Variants in ARHGEF3 observed in about 807,000 individuals in gnomAD.
The protein encoded by ARHGEF3 is 59.8 kDA protein.
ARHGEF3 carries 28 observed loss-of-function variants against 63.2 expected under a neutral mutation model. The ratio of observed to expected loss-of-function variants is 0.44; its 90% CI spans 0.33 to 0.61. ARHGEF3 has a LOEUF of 0.61. ARHGEF3 is among the 20% of genes least tolerant of loss of function. ARHGEF3 has a pLI of 0.03. For missense variants in ARHGEF3, 533 were observed against 659.3 expected, an observed-to-expected ratio of 0.81 and a Z score of 2.10; for synonymous variants, 266 against 254.2, an observed-to-expected ratio of 1.05 and a Z score of -0.44.
chr3:56,967,863 C>CATATATAATATATAATGACATATT (rs1700640015), intron 2 of ARHGEF3, among the ~76,000 whole-genome samples: 2 of 71,012 alleles, frequency 2.8e-5, no homozygotes, highest in East Asian at 9.2e-4. Flanking sequence ...TATATAATGA[C>CATATATAATATATAATGACATATT]ATATATAATA....
chr3:56,956,739 G>A (rs975734573), intron 3 of ARHGEF3, among the ~76,000 whole-genome samples: 14 of 152,170 alleles, frequency 9.2e-5, no homozygotes, highest in Non-Finnish European at 2.1e-4. Context: ...CATTGTTGGA[G>A]CAGAAGGGGA....
intron 1 of ARHGEF3, among the ~76,000 whole-genome samples, chr3:56,794,798 G>A (rs999290805): frequency 9.9e-5 from 15 of 151,884 alleles, no homozygotes; most frequent in African/African-American, 3.6e-4. Context: ...ATCCTGTATT[G>A]TTTTTTATTT....
In ARHGEF3 at chr3:56,882,456, A is replaced by G. The variant is rs114403963; in HGVS notation, c.130-102T>C. ...TCAAATAGCACATGCAATCCTTATC[A>G]TTTCTACCATGGTACCCAAAACCTT... On this transcript the variant is annotated intron_variant, in intron 3 of 12. Coordinates refer to the ARHGEF3 transcript ENST00000338458. The G allele has an allele frequency of 8.5e-4, 763 of 895,314 alleles. 7 individuals are homozygous for G. In the African/African-American group the frequency reaches 0.011, roughly 13 times the overall value. 55.5% of individuals were successfully genotyped at this position (895,314 alleles called of 1,614,324 possible).
chr3:56,829,516 TCTGC>T (rs1034641563), intron 4 of ARHGEF3, among the ~76,000 whole-genome samples: 1 of 152,184 alleles, frequency 6.6e-6, no homozygotes, highest in African/African-American at 2.4e-5. Context: ...GAAACGAGAA[TCTGC>T]CTACAGTGGA....
intron 4 of ARHGEF3, among the ~76,000 whole-genome samples, chr3:56,877,321 C>A (rs1046904524): frequency 6.6e-6 from 1 of 150,920 alleles, no homozygotes. Flanking sequence ...TAATATGACA[C>A]GTTCATAATA....
In ARHGEF3 at chr3:56,745,091, C is replaced by T. The variant is rs1401314068; in HGVS notation, c.870+114G>A. On this transcript the variant is annotated intron_variant, in intron 7 of 9. Coordinates refer to ENST00000296315, the MANE Select transcript of ARHGEF3 (RefSeq NM_019555.3). ...TGATGGCAGTGCCAGGCCTGGAACC[C>T]AAGATTCCTGAGTACTAAGTACCCA... The T allele has an allele frequency of 2.2e-6, 3 of 1,363,026 alleles. No individual in the cohort carries two copies. In the East Asian group the frequency reaches 7.0e-5, roughly 32 times the overall value. The allele number at this position is 1,363,026 out of a possible 1,614,324, so 84.4% of individuals were successfully genotyped here.
At chr3:57,053,241 G>A (rs977765070) in intron 1 of ARHGEF3, among the ~76,000 whole-genome samples, 8 of 152,174 alleles carry the variant, frequency 5.3e-5, no homozygotes, top group African/African-American at 1.4e-4. Context: ...TGCCAGGGAC[G>A]GGTGATGGTT....
At chr3:57,042,689 TA>T (rs56116648) in intron 1 of ARHGEF3, among the ~76,000 whole-genome samples, 2,438 of 25,160 alleles carry the variant, frequency 0.097, 290 homozygotes, top group Non-Finnish European at 0.12. Context: ...TATATATATA[TA>T]TATATATATA....
intron 1 of ARHGEF3, among the ~76,000 whole-genome samples, chr3:57,047,905 CA>C (rs1256470554): frequency 1.3e-4 from 20 of 152,090 alleles, no homozygotes; most frequent in Non-Finnish European, 7.4e-5. Flanking sequence ...TACATCCAGA[CA>C]TTACTAAAAT....
chr3:57,074,485 G>C, intron 1 of ARHGEF3: 2 of 585,040 alleles, frequency 3.4e-6, no homozygotes, highest in Non-Finnish European at 6.2e-6. Flanking sequence ...TTAAGTTACT[G>C]GCACAAGGTC....
intron 2 of ARHGEF3, among the ~76,000 whole-genome samples, chr3:57,013,915 C>T (rs1486701146): frequency 1.3e-5 from 2 of 152,200 alleles, no homozygotes; most frequent in Non-Finnish European, 2.9e-5. Context: ...CTGCCGGAGC[C>T]AGCAGCGGCA....
At chr3:56,748,934 T>C (rs750173785) in intron 6 of ARHGEF3, among the ~76,000 whole-genome samples, 4 of 146,210 alleles carry the variant, frequency 2.7e-5, no homozygotes, top group Admixed American at 6.8e-5. Flanking sequence ...CCCCCTTTTT[T>C]CCTTTGCGGA....
chr3:56,782,358 T>C (rs1233452376), intron 1 of ARHGEF3, among the ~76,000 whole-genome samples: 1 of 152,182 alleles, frequency 6.6e-6, no homozygotes, highest in African/African-American at 2.4e-5. Context: ...AGAACTATAA[T>C]TTTCCTCTTG....
intron 2 of ARHGEF3, among the ~76,000 whole-genome samples, chr3:57,018,315 G>C (rs1703110296): frequency 6.6e-6 from 1 of 151,038 alleles, no homozygotes; most frequent in South Asian, 2.1e-4. Context: ...AGGCCAAAAA[G>C]GAATATAGAT....
intron 2 of ARHGEF3, among the ~76,000 whole-genome samples, chr3:56,764,422 T>A (rs563151175): frequency 6.6e-6 from 1 of 152,298 alleles, no homozygotes; most frequent in African/African-American, 2.4e-5. Flanking sequence ...CTCAAAAGTC[T>A]GGTGACTATT....
Position 56,898,750 on chromosome 3 carries a change from T to C in ARHGEF3, c.130-16396A>G, listed in dbSNP as rs187033088. The C allele has an allele frequency of 6.3e-3, 991 of 156,208 alleles. 8 individuals carry two copies. Among genetic ancestry groups the C allele is most frequent in the Middle Eastern group, 0.017 (7 of 402 alleles). The allele number at this position is 156,208 out of a possible 1,614,324, so 9.7% of individuals were successfully genotyped here. The stretch of plus-strand genomic sequence containing the variant: ...GGCATTCAACCCACTGGGGACCCCC[T>C]GAGAGCATATAAAACACACTTCATG... On this transcript the variant is annotated intron_variant, in intron 3 of 12. Coordinates refer to the ARHGEF3 transcript ENST00000338458.
At chr3:56,872,996 T>C (rs1472281878) in intron 4 of ARHGEF3, among the ~76,000 whole-genome samples, 1 of 152,036 alleles carries the variant, frequency 6.6e-6, no homozygotes, top group East Asian at 1.9e-4. Context: ...TTTTATTTTA[T>C]TATTTGTTTG....
chr3:56,773,606 T>A (rs1284070976), intron 2 of ARHGEF3, 103 bp downstream of exon 2: 1 of 982,960 alleles, frequency 1.0e-6, no homozygotes, highest in Non-Finnish European at 1.5e-6. Flanking sequence ...TAAGCATTGA[T>A]TCAGGTCACT....
chr3:56,858,258 A>T (rs1424088155), intron 4 of ARHGEF3, among the ~76,000 whole-genome samples: 1 of 151,874 alleles, frequency 6.6e-6, no homozygotes, highest in Non-Finnish European at 1.5e-5. Flanking sequence ...AAAAAAAAAA[A>T]AAAAAAAAGG....
Sources: gnomAD v4.1 joint callset for allele counts (sites outside exome capture counted in the v4.1 genomes callset) on GRCh38, gnomAD v4.1.1 for gene constraint, MANE v1.5 for transcripts, NCBI Gene and HGNC (gene_info 2026-07-23, HGNC 2026-07-21) for gene names.